Variants in ERMN observed in about 807,000 individuals in gnomAD.
ERMN encodes the protein ermin, ERM-like protein.
ERMN carries 17 observed loss-of-function variants against 21.4 expected under a neutral mutation model. The ratio of observed to expected loss-of-function variants is 0.80; its 90% confidence interval spans 0.54 to 1.19. ERMN has a LOEUF of 1.19. ERMN is among the 50% of genes most tolerant of loss of function. ERMN has a pLI of 0.00. For synonymous variants in ERMN, 115 were observed against 111.9 expected (o/e 1.03, Z -0.17); for missense variants, 348 against 331.6 (o/e 1.05, Z -0.38).
chr2:157,325,323 C>T (rs1384265306), intron 1 of ERMN, 79 bp downstream of exon 1: 20 of 1,584,416 alleles, frequency 1.3e-5, no homozygotes, highest in South Asian at 9.0e-5. Context: ...CAGCTCATTT[C>T]GATAATAGTT....
At chr2:157,322,443 G>A (rs1683936722) in intron 2 of ERMN, among the ~76,000 whole-genome samples, 1 of 152,194 alleles carries the variant, frequency 6.6e-6, no homozygotes, top group South Asian at 2.1e-4. Flanking sequence ...AGCTGAGGTT[G>A]TTCTCTGAGC....
In ERMN at chr2:157,321,163, C is replaced by T. The variant is rs749173309; in HGVS notation, c.*108G>A. On this transcript the variant is annotated 3_prime_UTR_variant, in exon 3 of 3. Coordinates refer to ENST00000410096, the MANE Select transcript of ERMN (RefSeq NM_020711.3). ...TACAGTGAAAAAGAGAGTCAACTTCCACCTCCCTCCAAGTGATAACTCAAA... is the reference window on the plus strand; with the variant it reads ...TACAGTGAAAAAGAGAGTCAACTTCTACCTCCCTCCAAGTGATAACTCAAA... 2.1e-6 allele frequency: 3 copies of T among 1,457,650 alleles called. No individual in the cohort carries two copies. The highest frequency in any genetic ancestry group is 2.7e-6 in the Non-Finnish European group (3 of 1,098,372). 90.3% of individuals were successfully genotyped at this position (1,457,650 alleles called of 1,614,324 possible).
chr2:157,327,529 A>T (rs577844805), upstream of ERMN: 3 of 774,262 alleles, frequency 3.9e-6, no homozygotes, highest in African/African-American at 5.1e-5. Context: ...TATAGACTAG[A>T]AAAATGAAGT....
chr2:157,326,368 T>C (rs573979280), upstream of ERMN, among the ~76,000 whole-genome samples: 1 of 152,356 alleles, frequency 6.6e-6, no homozygotes, highest in Non-Finnish European at 1.5e-5. Context: ...TTCTACCAAC[T>C]TGCTAATACC....
Position 157,320,975 on chromosome 2 carries a change from C to A in ERMN, c.*296G>T, listed in dbSNP as rs1051886705. 9.5e-5 allele frequency: 28 copies of A among 296,290 alleles called. No individual in the cohort carries two copies. The highest frequency in any genetic ancestry group is 5.5e-4 in the African/African-American group (25 of 45,804). The allele number at this position is 296,290 out of a possible 1,614,324, so 18.4% of individuals were successfully genotyped here. A position where few individuals can be genotyped will look rare whatever the true frequency, so the allele number is the denominator to read the frequency against. ...TTTCCAAGCATTGCTACATTTATAG[C>A]CGAATTATGCCAGATTCCCCCAGGG... On this transcript the variant is annotated 3_prime_UTR_variant, in exon 3 of 3. Coordinates refer to ENST00000410096, the MANE Select transcript of ERMN (RefSeq NM_020711.3).
intron 1 of ERMN, chr2:157,325,106 T>C (rs1684029330): frequency 1.8e-6 from 1 of 544,666 alleles, no homozygotes; most frequent in Non-Finnish European, 3.5e-6. Flanking sequence ...ATAAATACAG[T>C]AGTTAACATT....
At chr2:157,323,339 G>A (rs78810304) in intron 2 of ERMN, among the ~76,000 whole-genome samples, 103 of 152,304 alleles carry the variant, frequency 6.8e-4, no homozygotes, top group African/African-American at 2.1e-3. Flanking sequence ...AGGGCAAAGA[G>A]GTTATTAAGT....
Position 157,321,467 on chromosome 2 carries a change from C to T in ERMN, c.659G>A (p.Gly220Asp). The change falls in exon 3 of 3, where the codon GGT becomes GAT. Residue 220 changes from glycine to aspartate, a missense_variant. Gly to Asp is a moderately conservative substitution (Grantham distance 94, BLOSUM62 -1). Transcript: ENST00000410096. ...HEEVSQFKEE[G>D]DASEDSPLSS... is the part of the protein sequence containing the mutation. Reference sequence around the variant, plus strand: ...CAGTGGGGAGTCCTCACTTGCATCACCTTCCTCTTTAAATTGAGAAACCTC... The same window carrying T: ...CAGTGGGGAGTCCTCACTTGCATCATCTTCCTCTTTAAATTGAGAAACCTC... 1 of 1,614,082 alleles carries T rather than the reference C, an allele frequency of 6.2e-7. No individual in the cohort carries two copies. Among genetic ancestry groups the T allele is most frequent in the South Asian group, 1.1e-5 (1 of 91,072 alleles).
upstream of ERMN, among the ~76,000 whole-genome samples, chr2:157,326,638 C>G (rs1023874809): frequency 1.3e-5 from 2 of 152,130 alleles, no homozygotes; most frequent in African/African-American, 4.8e-5. Context: ...CCACCCCTTC[C>G]TTTTTAAATC....
Position 157,318,677 on chromosome 2 carries a change from G to C in ERMN, c.*2594C>G, listed in dbSNP as rs1683781484. 1 of 152,144 alleles carries C rather than the reference G, an allele frequency of 6.6e-6. No individual in the cohort carries two copies. The highest frequency in any genetic ancestry group is 2.4e-5 in the African/African-American group (1 of 41,432). The allele number at this position is 152,144 out of a possible 1,614,324, so 9.4% of individuals were successfully genotyped here. A position where few individuals can be genotyped will look rare whatever the true frequency, so the allele number is the denominator to read the frequency against. On this transcript the variant is annotated 3_prime_UTR_variant, in exon 3 of 3. Coordinates refer to ENST00000410096, the MANE Select transcript of ERMN (RefSeq NM_020711.3). ...CAGTTCTTTATTTAAATTGTGGATA[G>C]TTTGGTAGGTAGGGGGAGAGAGAGA... is the stretch of plus-strand genomic sequence containing the variant.
chr2:157,325,910 G>C, upstream of ERMN: 1 of 1,371,162 alleles, frequency 7.3e-7, no homozygotes, highest in Non-Finnish European at 9.4e-7. Flanking sequence ...TTGCTTGCCA[G>C]TTCCCTGGCA....
In ERMN at chr2:157,324,696, C is replaced by T. The variant is rs773943243; in HGVS notation, c.308G>A (p.Ser103Asn). ...TTCTCTGAATGTCATTTCATCAGCA[C>T]TAGTTTCTTGGAGAGAAAGATCTGT... is the stretch of plus-strand genomic sequence containing the variant. ...AITDLSLQET[S>N]ADEMTFREGH... The change falls in exon 2 of 3, where the codon AGT becomes AAT. Residue 103 changes from serine (S) to asparagine (N), a missense_variant. Physicochemically the swap from Ser to Asn is conservative, Grantham distance 46. Transcript: ENST00000410096. 9.9e-6 allele frequency: 16 copies of T among 1,613,370 alleles called. No homozygotes were observed. The highest frequency in any genetic ancestry group is 1.7e-5 in the Admixed American group (1 of 59,974).
intron 2 of ERMN, among the ~76,000 whole-genome samples, 187 bp downstream of exon 2, chr2:157,324,483 G>C (rs1403925462): frequency 6.6e-6 from 1 of 152,136 alleles, no homozygotes; most frequent in African/African-American, 2.4e-5. Context: ...GAACAGTCTG[G>C]AATGCTTTAT....
At position 157,325,468 on chromosome 2, in the gene ERMN, C is replaced by G. The variant is rs771297221; in HGVS notation, c.175G>C (p.Glu59Gln). The G allele has an allele frequency of 6.2e-7, 1 of 1,614,170 alleles. No homozygotes were observed. Among genetic ancestry groups the G allele is most frequent in the Non-Finnish European group, 8.5e-7 (1 of 1,180,024 alleles). Reference sequence around the variant, plus strand: ...TTCCCTTGTAATTTTCTTCTTTCCTCCTGACTTCCTTTGGTGAGTGCACCT... The same window carrying G: ...TTCCCTTGTAATTTTCTTCTTTCCTGCTGACTTCCTTTGGTGAGTGCACCT... ...LEGALTKGSQ[E>Q]ERRKLQGNML... The change falls in exon 1 of 3, where the codon GAG becomes CAG. Residue 59 changes from glutamate (E) to glutamine (Q), a missense_variant. Coordinates refer to ENST00000410096, the MANE Select transcript of ERMN (RefSeq NM_020711.3).
chr2:157,325,323 C>A, intron 1 of ERMN, 79 bp downstream of exon 1: 2 of 1,584,534 alleles, frequency 1.3e-6, no homozygotes, highest in Non-Finnish European at 1.7e-6. Context: ...CAGCTCATTT[C>A]GATAATAGTT....
rs548029529 is a variant in ERMN, at chr2:157,320,403, G to A, written c.*868C>T. 1 of 152,720 alleles carries A rather than the reference G, an allele frequency of 6.5e-6. No individual in the cohort carries two copies. The highest frequency in any genetic ancestry group is 2.1e-4 in the South Asian group (1 of 4,828). 9.5% of individuals were successfully genotyped at this position (152,720 alleles called of 1,614,324 possible). Reference sequence around the variant, plus strand: ...AATTATTCTGAGATACTGTTAATAAGAGAAAATGTGGTAATAGAGAGGGGC... The same window carrying A: ...AATTATTCTGAGATACTGTTAATAAAAGAAAATGTGGTAATAGAGAGGGGC... On this transcript the variant is annotated 3_prime_UTR_variant, in exon 3 of 3. Transcript: ENST00000410096.
chr2:157,327,330 C>T, upstream of ERMN: 3 of 636,192 alleles, frequency 4.7e-6, no homozygotes, highest in Non-Finnish European at 8.6e-6. Flanking sequence ...AGATCTCCCT[C>T]CCGCGTCATC....
intron 1 of ERMN, chr2:157,325,135 G>A: frequency 3.3e-6 from 2 of 600,240 alleles, no homozygotes; most frequent in Non-Finnish European, 6.4e-6. Context: ...ACTTACCCTA[G>A]ACTTGTAGTT....
chr2:157,321,840 C>A, intron 2 of ERMN, 49 bp from the exon 3 acceptor site: 2 of 1,469,250 alleles, frequency 1.4e-6, no homozygotes, highest in Non-Finnish European at 1.8e-6. Context: ...TTCCAAAATA[C>A]CCAGCCATTA....
Sources: gnomAD v4.1 joint callset for allele counts (sites outside exome capture counted in the v4.1 genomes callset) on GRCh38, gnomAD v4.1.1 for gene constraint, MANE v1.5 for transcripts, NCBI Gene and HGNC (gene_info 2026-07-23, HGNC 2026-07-21) for gene names.